Variants in KCNQ5 observed in about 807,000 individuals in gnomAD.
KCNQ5 encodes the protein potassium voltage-gated channel subfamily Q member 5, also known as potassium voltage-gated channel subfamily KQT member 5.
KCNQ5 carries 30 observed loss-of-function variants against 98.2 expected under a neutral mutation model. The observed-to-expected ratio is 0.31, with a 90% confidence interval of 0.23 to 0.41. The LOEUF (loss-of-function observed/expected upper bound fraction) is 0.41, where lower values mean the gene tolerates loss of function less well. Ranked by LOEUF, KCNQ5 falls within the 10% of genes least tolerant of loss-of-function variation. The pLI, the probability that KCNQ5 is intolerant of heterozygous loss-of-function variation, is 1.00. For synonymous variants in KCNQ5, 458 were observed against 449.4 expected, an observed-to-expected ratio of 1.02 and a Z score of -0.24; for missense variants, 835 against 1,182.5, an observed-to-expected ratio of 0.71 and a Z score of 4.31.
intron 1 of KCNQ5, among the ~76,000 whole-genome samples, chr6:72,981,375 G>A (rs1381034005): frequency 1.3e-5 from 2 of 152,090 alleles, no homozygotes; most frequent in Non-Finnish European, 2.9e-5. Flanking sequence ...CTTCTTCCTG[G>A]TTTAGTCTTG....
chr6:73,127,243 T>C (rs1776026994), intron 9 of KCNQ5, among the ~76,000 whole-genome samples: 1 of 152,164 alleles, frequency 6.6e-6, no homozygotes, highest in South Asian at 2.1e-4. Context: ...TAATTAATGC[T>C]TGACCCCATT....
chr6:72,936,832 C>T (rs1294911462), intron 1 of KCNQ5, among the ~76,000 whole-genome samples: 1 of 152,174 alleles, frequency 6.6e-6, no homozygotes, highest in Admixed American at 6.5e-5. Flanking sequence ...TTGGTTTTCT[C>T]ATCTTTGGGC....
At chr6:72,727,161 G>A (rs983437029) in intron 1 of KCNQ5, among the ~76,000 whole-genome samples, 21 of 152,216 alleles carry the variant, frequency 1.4e-4, no homozygotes, top group African/African-American at 5.1e-4. Context: ...ACCCCACATA[G>A]CACAGCAGGG....
At chr6:72,840,932 A>T (rs1013219502) in intron 1 of KCNQ5, among the ~76,000 whole-genome samples, 17 of 152,294 alleles carry the variant, frequency 1.1e-4, no homozygotes, top group South Asian at 8.3e-4. Context: ...TATGTTTTAC[A>T]TTTGCCCCTG....
rs572655715 is a variant in KCNQ5 at position 73,052,511 on chromosome 6, G to T, written c.616+10449G>T. ...AGAGAAGGGGCAGGCCACCTCCCAA[G>T]GAAACCCCATCAGGCTAACAGCACA... On this transcript the variant is annotated intron_variant, in intron 3 of 13. Transcript: ENST00000370398. 3.3e-5 allele frequency among the ~76,000 whole-genome samples: 5 copies of T among 152,260 alleles called. No homozygotes were observed. The East Asian group carries it at 9.6e-4, about 29-fold the overall frequency.
At chr6:72,815,300 A>G (rs1775453346) in intron 1 of KCNQ5, among the ~76,000 whole-genome samples, 1 of 152,198 alleles carries the variant, frequency 6.6e-6, no homozygotes, top group Non-Finnish European at 1.5e-5. Context: ...AAAATGTAAT[A>G]AAAGGTTAAA....
At chr6:72,759,917 G>C (rs1441960962) in intron 1 of KCNQ5, among the ~76,000 whole-genome samples, 3 of 152,084 alleles carry the variant, frequency 2.0e-5, no homozygotes, top group African/African-American at 7.2e-5. Flanking sequence ...GGAAGTGCCT[G>C]TGAGGCTTAA....
intron 2 of KCNQ5, among the ~76,000 whole-genome samples, chr6:73,028,077 T>C (rs894102129): frequency 7.2e-5 from 11 of 152,188 alleles, no homozygotes; most frequent in Non-Finnish European, 1.3e-4. Flanking sequence ...TGCCAAGATA[T>C]GGGGCTGGGG....
rs529998484 is a variant in KCNQ5, at chr6:73,117,536, T to G, written c.1126-2947T>G. On this transcript the variant is annotated intron_variant, in intron 7 of 13. Transcript: ENST00000370398. ...GTGGCCTCTTTTGCCCCCAGTTCTT[T>G]ATAACATTCACAGGCAATGCCTTGG... is the stretch of plus-strand genomic sequence containing the variant. Among the ~76,000 whole-genome samples, 31 of 152,352 alleles carry G rather than the reference T, an allele frequency of 2.0e-4. No homozygotes were observed. The South Asian group carries it at 3.9e-3, about 19-fold the overall frequency.
chr6:72,653,772 A>G (rs1765994824), intron 1 of KCNQ5, among the ~76,000 whole-genome samples: 1 of 152,046 alleles, frequency 6.6e-6, no homozygotes, highest in South Asian at 2.1e-4. Flanking sequence ...TTTATTAGAG[A>G]AACTGTTCTA....
intron 1 of KCNQ5, among the ~76,000 whole-genome samples, chr6:72,703,619 A>G (rs1768934172): frequency 6.6e-6 from 1 of 152,252 alleles, no homozygotes; most frequent in African/African-American, 2.4e-5. Context: ...AAGCATTTGC[A>G]AAGAACCCCA....
At chr6:72,636,424 AT>A (rs34183685) in intron 1 of KCNQ5, among the ~76,000 whole-genome samples, 1 of 152,118 alleles carries the variant, frequency 6.6e-6, no homozygotes, top group Non-Finnish European at 1.5e-5. Flanking sequence ...AACCACCTGC[AT>A]TTTTTTCTGG....
intron 3 of KCNQ5, among the ~76,000 whole-genome samples, chr6:73,071,306 A>G (rs1027971706): frequency 6.6e-6 from 1 of 152,202 alleles, no homozygotes; most frequent in South Asian, 2.1e-4. Context: ...CTTGATATCA[A>G]TCACAAATCA....
chr6:72,872,376 A>G (rs1201204251), intron 1 of KCNQ5, among the ~76,000 whole-genome samples: 1 of 152,162 alleles, frequency 6.6e-6, no homozygotes, highest in Non-Finnish European at 1.5e-5. Flanking sequence ...TAGAAAATGG[A>G]CCAACAAGGG....
chr6:73,083,975 G>A (rs921502418), intron 5 of KCNQ5, among the ~76,000 whole-genome samples: 33 of 152,224 alleles, frequency 2.2e-4, no homozygotes, highest in African/African-American at 6.0e-4. Flanking sequence ...AAATATATTA[G>A]TACAAAAAGA....
At chr6:72,948,369 T>A (rs1453122434) in intron 1 of KCNQ5, among the ~76,000 whole-genome samples, 1 of 152,070 alleles carries the variant, frequency 6.6e-6, no homozygotes, top group Non-Finnish European at 1.5e-5. Flanking sequence ...GTTCTGAATC[T>A]TCTGGCTGAC....
At chr6:72,779,416 C>G (rs1414890156) in intron 1 of KCNQ5, among the ~76,000 whole-genome samples, 1 of 152,106 alleles carries the variant, frequency 6.6e-6, no homozygotes, top group Admixed American at 6.5e-5. Context: ...GTATGTCTCT[C>G]AGAGAGAGTG....
intron 1 of KCNQ5, among the ~76,000 whole-genome samples, chr6:72,642,089 A>G (rs927738579): frequency 2.0e-5 from 3 of 150,712 alleles, no homozygotes; most frequent in African/African-American, 7.3e-5. Context: ...TAGAGGCTTA[A>G]TTCCCCTTGT....
At chr6:73,063,667 T>TGATAGATA (rs1554203587) in intron 3 of KCNQ5, among the ~76,000 whole-genome samples, 16,705 of 61,822 alleles carry the variant, frequency 0.27, 3,557 homozygotes, top group Middle Eastern at 0.46. Flanking sequence ...GATAGATAGA[T>TGATAGATA]GATAGATAGA....
Sources: allele counts gnomAD v4.1 joint callset (sites outside exome capture counted in the v4.1 genomes callset), GRCh38; gene constraint gnomAD v4.1.1; transcripts MANE v1.5; gene names NCBI Gene and HGNC (gene_info 2026-07-23, HGNC 2026-07-21).